The following TIMELESS variants were observed in gnomAD, a reference collection of about 807,000 sequenced individuals.
TIMELESS encodes the protein timeless circadian regulator.
TIMELESS carries 124 observed loss-of-function variants against 164.3 expected under a neutral mutation model. The observed-to-expected ratio is 0.75, with a 90% confidence interval of 0.65 to 0.88. The LOEUF is 0.88. Ranked by LOEUF, TIMELESS falls within the 40% of genes least tolerant of loss-of-function variation. The probability of loss-of-function intolerance (pLI) is 0.00; values close to 1 mark genes in which losing one functional copy is unlikely to be tolerated. For missense variants in TIMELESS, 1,422 were observed against 1,491.4 expected (o/e 0.95, Z 0.77); for synonymous variants, 564 against 563.4 (o/e 1.00, Z -0.02).
intron 1 of TIMELESS, among the ~76,000 whole-genome samples, chr12:56,434,829 A>G (rs967973711): frequency 8.5e-5 from 13 of 152,084 alleles, no homozygotes; most frequent in Admixed American, 3.9e-4. Flanking sequence ...AGACATGATG[A>G]TCATTTGCCC....
intron 1 of TIMELESS, 43 bp from the exon 2 acceptor site, chr12:56,434,274 T>A (rs927906226): frequency 2.2e-6 from 2 of 911,650 alleles, no homozygotes; most frequent in Admixed American, 2.0e-5. Flanking sequence ...TTCCTCTCCA[T>A]GAAAAGAAGA....
At chr12:56,441,721 C>G (rs1002213867) in intron 1 of TIMELESS, among the ~76,000 whole-genome samples, 4 of 149,552 alleles carry the variant, frequency 2.7e-5, no homozygotes, top group Non-Finnish European at 5.9e-5. Context: ...TTACTAAATG[C>G]TTAGGGAGAA....
chr12:56,423,905 GAT>G lies in TIMELESS; in HGVS notation c.1869-13_1869-12del. On this transcript the variant is annotated splice_polypyrimidine_tract_variant and intron_variant, in intron 15 of 28. Transcript: ENST00000553532. ...TCAGGCCACACCTCCCTGGAGCACA[GAT>G]AGAAAAAAGGCTTTACCCAGGGGAA... 1.9e-6 allele frequency: 3 copies of G among 1,611,688 alleles called. No homozygotes were observed.
At chr12:56,422,270 C>T in intron 19 of TIMELESS, 79 bp from the exon 20 acceptor site, 1 of 1,320,536 alleles carries the variant, frequency 7.6e-7, no homozygotes, top group Non-Finnish European at 1.1e-6. Context: ...CTGATCAGTT[C>T]TGAAAAGAAC....
chr12:56,440,411 C>G (rs771678032), intron 1 of TIMELESS, among the ~76,000 whole-genome samples: 14 of 151,948 alleles, frequency 9.2e-5, no homozygotes, highest in Non-Finnish European at 1.9e-4. Context: ...TGCTGGGATA[C>G]CAGGCATGAG....
At chr12:56,442,438 C>A (rs1327336052) in intron 1 of TIMELESS, among the ~76,000 whole-genome samples, 1 of 152,136 alleles carries the variant, frequency 6.6e-6, no homozygotes, top group Non-Finnish European at 1.5e-5. Flanking sequence ...TCATCTTTGT[C>A]CATCAGTTCA....
Position 56,423,912 on chromosome 12 carries a change from A to G in TIMELESS, c.1869-18T>C. On this transcript the variant is annotated intron_variant, in intron 15 of 28. Coordinates refer to ENST00000553532, the MANE Select transcript of TIMELESS (RefSeq NM_003920.5). Reference sequence around the variant, plus strand: ...ACACCTCCCTGGAGCACAGATAGAAAAAAGGCTTTACCCAGGGGAAATCTG... The same window carrying G: ...ACACCTCCCTGGAGCACAGATAGAAGAAAGGCTTTACCCAGGGGAAATCTG... 6.2e-7 allele frequency: 1 copy of G among 1,609,126 alleles called. No individual in the cohort carries two copies. Among genetic ancestry groups the G allele is most frequent in the Non-Finnish European group, 8.5e-7 (1 of 1,175,480 alleles).
chr12:56,446,656 C>T (rs1412103890), intron 1 of TIMELESS, among the ~76,000 whole-genome samples: 1 of 151,960 alleles, frequency 6.6e-6, no homozygotes, highest in Admixed American at 6.6e-5. Context: ...CATGGTGAAA[C>T]CCTGTCTCTA....
intron 5 of TIMELESS, 106 bp from the exon 6 acceptor site, chr12:56,433,233 A>G: frequency 7.2e-7 from 1 of 1,397,622 alleles, no homozygotes; most frequent in South Asian, 1.2e-5. Flanking sequence ...AAAAAGAAAG[A>G]GTTCAAACAG....
At position 56,430,960 on chromosome 12, in the gene TIMELESS, C is replaced by T. The variant is rs1039931669; in HGVS notation, c.830G>A (p.Arg277Gln). The change falls in exon 9 of 29, where the codon CGA (arginine) becomes CAA (glutamine). Residue 277 changes from arginine (R) to glutamine (Q), a missense_variant. Coordinates refer to ENST00000553532, the MANE Select transcript of TIMELESS (RefSeq NM_003920.5). ...CTGGACAATATAGGAGCCCCCAAAT[C>T]GAGAATGCCTGCAGAAACAAAAAGG... The part of the protein sequence containing the change: ...RALQRGNRHS[R>Q]FGGSYIVQGL... The T allele has an allele frequency of 3.2e-6, 5 of 1,578,516 alleles. No homozygotes were observed. Among genetic ancestry groups the T allele is most frequent in the Admixed American group, 1.9e-5 (1 of 51,868 alleles).
At chr12:56,430,847 A>C (rs967158509) in intron 9 of TIMELESS, 34 bp downstream of exon 9, 1 of 1,431,034 alleles carries the variant, frequency 7.0e-7, no homozygotes, top group African/African-American at 1.5e-5. Context: ...ATGCAACTCC[A>C]CTATGTTCCC....
chr12:56,433,835 G>C lies in TIMELESS; in HGVS notation c.189C>G (p.Ser63Arg). 6.2e-7 allele frequency: 1 copy of C among 1,614,130 alleles called. No individual in the cohort carries two copies. Among genetic ancestry groups the C allele is most frequent in the Non-Finnish European group, 8.5e-7 (1 of 1,180,036 alleles). ...QQLGAAQILQSDLLPILTQHH... is the reference protein window; with the variant it reads ...QQLGAAQILQRDLLPILTQHH... Reference sequence around the variant, plus strand: ...GCTGGGTGAGGATGGGCAGAAGGTCGCTCTGTAGGATCTGGGCTGCCCCCA... The same window carrying C: ...GCTGGGTGAGGATGGGCAGAAGGTCCCTCTGTAGGATCTGGGCTGCCCCCA... The change falls in exon 3 of 29, where the codon AGC becomes AGG. Residue 63 changes from serine (S) to arginine (R), a missense_variant. Physicochemically the swap from Ser to Arg is moderately radical, Grantham distance 110. Coordinates refer to ENST00000553532, the MANE Select transcript of TIMELESS (RefSeq NM_003920.5).
At chr12:56,445,768 C>T (rs889145289) in intron 1 of TIMELESS, among the ~76,000 whole-genome samples, 10 of 152,022 alleles carry the variant, frequency 6.6e-5, no homozygotes, top group Admixed American at 1.3e-4. Flanking sequence ...CACCTTAGCT[C>T]CATCTCACTT....
chr12:56,446,121 T>C (rs1032346090), intron 1 of TIMELESS, among the ~76,000 whole-genome samples: 1 of 152,170 alleles, frequency 6.6e-6, no homozygotes, highest in Non-Finnish European at 1.5e-5. Flanking sequence ...CCCGGGCTGG[T>C]CTTTAACTCC....
chr12:56,438,566 G>A lies in TIMELESS; in HGVS notation c.-61-4335C>T, dbSNP rs1456482689. On this transcript the variant is annotated intron_variant, in intron 1 of 28. Coordinates refer to ENST00000553532, the MANE Select transcript of TIMELESS (RefSeq NM_003920.5). ...GCGGGAGGATCACTTGAGCCCAGGA[G>A]TTTAAGACCAGTTTGGGCAATATAG... 2.6e-5 allele frequency among the ~76,000 whole-genome samples: 4 copies of A among 151,806 alleles called. No individual in the cohort carries two copies. In the East Asian group the frequency reaches 7.8e-4, roughly 30 times the overall value.
Position 56,431,556 on chromosome 12 carries a change from G to A in TIMELESS, c.736C>T (p.Arg246Trp), listed in dbSNP as rs374146583. 231 of 1,613,550 alleles carry A rather than the reference G, an allele frequency of 1.4e-4. No individual in the cohort carries two copies. Among genetic ancestry groups the A allele is most frequent in the Non-Finnish European group, 1.8e-4 (209 of 1,179,914 alleles). The change falls in exon 8 of 29, where the codon CGG becomes TGG. Residue 246 changes from arginine to tryptophan, a missense_variant. Transcript: ENST00000553532. The stretch of plus-strand genomic sequence containing the variant: ...TCCAGTTCTGCAAAATCTGCACTCC[G>A]CTCCTGAGCTAAGCGTCCCTGCCCT... ...GVGQGRLAQE[R>W]SADFAELEVL... is the part of the protein sequence containing the mutation.
At chr12:56,419,759 G>T (rs1482558826) in intron 26 of TIMELESS, among the ~76,000 whole-genome samples, 4 of 151,398 alleles carry the variant, frequency 2.6e-5, no homozygotes, top group Non-Finnish European at 4.4e-5. Context: ...AACCACTGTA[G>T]ATCGACAATA....
rs752659229 is a variant in TIMELESS, at chr12:56,424,849, T to C, written c.1781A>G (p.Glu594Gly). The C allele has an allele frequency of 1.2e-6, 2 of 1,614,066 alleles. No individual in the cohort carries two copies. The highest frequency in any genetic ancestry group is 2.2e-5 in the South Asian group (2 of 91,080). ...CCGTACCATAGCTTCTGCCCGCTGC[T>C]CCTCCACTGGCACCTCTGAGGCCGC... ...FDAASEVPVE[E>G]QRAEAMVRIQ... is the part of the protein sequence containing the mutation. The change falls in exon 15 of 29, where the codon GAG becomes GGG. Residue 594 changes from glutamate to glycine, a missense_variant. Physicochemically the swap from Glu to Gly is moderately conservative, Grantham distance 98. Coordinates refer to ENST00000553532, the MANE Select transcript of TIMELESS (RefSeq NM_003920.5).
At chr12:56,447,441 T>C (rs1043567567) in intron 1 of TIMELESS, among the ~76,000 whole-genome samples, 13 of 152,152 alleles carry the variant, frequency 8.5e-5, no homozygotes, top group Non-Finnish European at 1.5e-4. Context: ...AACAGAGAAG[T>C]CTGGAAGATG....
Sources: gnomAD v4.1 joint callset for allele counts (sites outside exome capture counted in the v4.1 genomes callset) on GRCh38, gnomAD v4.1.1 for gene constraint, MANE v1.5 for transcripts, NCBI Gene and HGNC (gene_info 2026-07-23, HGNC 2026-07-21) for gene names.